GRM7: variants seen among roughly 807,000 people sequenced by gnomAD.
GRM7 encodes the protein glutamate metabotropic receptor 7.
A neutral mutation model predicts 84.5 loss-of-function variants in GRM7; 35 were observed. That is an observed-to-expected ratio of 0.41 (90% CI 0.32 to 0.55). GRM7 has a LOEUF of 0.55. Among genes scored for constraint, GRM7 ranks in the 20% least tolerant of loss-of-function variants. The probability of loss-of-function intolerance (pLI) is 0.19; values close to 1 mark genes in which losing one functional copy is unlikely to be tolerated. For synonymous variants in GRM7, 487 were observed against 455.1 expected (o/e 1.07, Z -0.89); for missense variants, 1,003 against 1,194.6 (o/e 0.84, Z 2.36).
chr3:6,958,101 A>G (rs886238836), intron 1 of GRM7, among the ~76,000 whole-genome samples: 1 of 151,888 alleles, frequency 6.6e-6, no homozygotes, highest in Non-Finnish European at 1.5e-5. Context: ...GTGTGTATAT[A>G]TATATACCCA....
At chr3:7,609,094 A>C (rs1263915164) in intron 8 of GRM7, among the ~76,000 whole-genome samples, 1 of 152,138 alleles carries the variant, frequency 6.6e-6, no homozygotes, top group Non-Finnish European at 1.5e-5. Context: ...TTGTACCAGT[A>C]TCATGCTGTT....
At chr3:7,134,429 G>GTCA (rs59201451) in intron 1 of GRM7, among the ~76,000 whole-genome samples, 2,820 of 150,838 alleles carry the variant, frequency 0.019, 38 homozygotes, top group African/African-American at 0.047. Context: ...CATCATCATC[G>GTCA]TCATCATCAT....
At chr3:7,063,247 C>G (rs1697497222) in intron 1 of GRM7, among the ~76,000 whole-genome samples, 1 of 151,698 alleles carries the variant, frequency 6.6e-6, no homozygotes, top group Non-Finnish European at 1.5e-5. Flanking sequence ...AATCAAGACA[C>G]AAGTAAGGCT....
At chr3:7,201,636 T>C (rs1696072906) in intron 2 of GRM7, among the ~76,000 whole-genome samples, 1 of 152,214 alleles carries the variant, frequency 6.6e-6, no homozygotes, top group African/African-American at 2.4e-5. Context: ...CAATCTCCTG[T>C]AATACACTAA....
intron 1 of GRM7, among the ~76,000 whole-genome samples, chr3:7,058,428 A>AT (rs1367622644): frequency 2.6e-5 from 4 of 151,796 alleles, no homozygotes; most frequent in East Asian, 1.9e-4. Context: ...AATTAGCTCA[A>AT]TTTTTTTCTA....
At chr3:7,452,454 G>A (rs905911417) in intron 5 of GRM7, among the ~76,000 whole-genome samples, 153 bp from the exon 6 acceptor site, 3 of 152,094 alleles carry the variant, frequency 2.0e-5, no homozygotes, top group Non-Finnish European at 4.4e-5. Flanking sequence ...GCTATCACGT[G>A]GTAGGCAAAT....
chr3:7,437,314 C>G (rs1697098269), intron 5 of GRM7, among the ~76,000 whole-genome samples: 1 of 152,112 alleles, frequency 6.6e-6, no homozygotes, highest in African/African-American at 2.4e-5. Flanking sequence ...TTTTTGCACC[C>G]TCCTTTCTCT....
At chr3:7,572,769 C>A (rs1694738666) in intron 7 of GRM7, among the ~76,000 whole-genome samples, 1 of 131,308 alleles carries the variant, frequency 7.6e-6, no homozygotes, top group African/African-American at 2.9e-5. Context: ...TTGCAGTGAG[C>A]CGAGATTGTG....
At chr3:7,309,354 T>G (rs1700310390) in intron 4 of GRM7, among the ~76,000 whole-genome samples, 1 of 152,178 alleles carries the variant, frequency 6.6e-6, no homozygotes, top group African/African-American at 2.4e-5. Context: ...GGCAAGTAAG[T>G]TTTCCTGTCC....
intron 7 of GRM7, among the ~76,000 whole-genome samples, chr3:7,489,953 TATTA>T (rs1016394420): frequency 6.6e-6 from 1 of 151,772 alleles, no homozygotes; most frequent in Admixed American, 6.6e-5. Flanking sequence ...TACTCCATAT[TATTA>T]ATTAAAATAT....
At chr3:7,317,560 G>C (rs900015929) in intron 4 of GRM7, among the ~76,000 whole-genome samples, 1 of 152,018 alleles carries the variant, frequency 6.6e-6, no homozygotes, top group African/African-American at 2.4e-5. Context: ...ACTCTGTATT[G>C]CTAAGAATAG....
intron 1 of GRM7, among the ~76,000 whole-genome samples, chr3:7,112,859 C>T (rs1559449266): frequency 6.6e-6 from 1 of 152,150 alleles, no homozygotes; most frequent in Non-Finnish European, 1.5e-5. Context: ...GTATTGGCCA[C>T]ACATCAAACA....
chr3:7,211,009 T>C (rs544243906), intron 2 of GRM7, among the ~76,000 whole-genome samples: 19 of 152,314 alleles, frequency 1.2e-4, no homozygotes, highest in African/African-American at 4.3e-4. Context: ...ACCAGTTTCA[T>C]TCCCAGGTGA....
At chr3:7,232,670 C>T (rs1697231649) in intron 2 of GRM7, among the ~76,000 whole-genome samples, 1 of 152,158 alleles carries the variant, frequency 6.6e-6, no homozygotes, top group South Asian at 2.1e-4. Flanking sequence ...ATGTGTCAAG[C>T]ACTGTGTCTG....
At chr3:7,020,773 A>G (rs930992249) in intron 1 of GRM7, among the ~76,000 whole-genome samples, 1 of 152,166 alleles carries the variant, frequency 6.6e-6, no homozygotes, top group African/African-American at 2.4e-5. Context: ...AAATTTTTTT[A>G]GAGTTCCTAC....
rs138078004 is a variant in GRM7, at chr3:6,881,828, T to C, written c.519+19921T>C. Among the ~76,000 whole-genome samples, 271 of 152,246 alleles carry C rather than the reference T, an allele frequency of 1.8e-3. 3 individuals are homozygous for C. The highest frequency in any genetic ancestry group is 6.2e-3 in the African/African-American group (257 of 41,548). On this transcript the variant is annotated intron_variant, in intron 1 of 9. Transcript: ENST00000357716. ...ATGGGGAATACTATCCTAAGCCTTA[T>C]CTCAACACTGCTACAATCTGGAGGG...
chr3:7,075,694 T>G (rs1373511188), intron 1 of GRM7, among the ~76,000 whole-genome samples: 1 of 151,980 alleles, frequency 6.6e-6, no homozygotes, highest in Non-Finnish European at 1.5e-5. Context: ...CCCAGCCAAT[T>G]TTTGTATTTT....
chr3:7,709,192 G>A (rs188006737), intron 9 of GRM7, among the ~76,000 whole-genome samples: 1 of 152,068 alleles, frequency 6.6e-6, no homozygotes, highest in Non-Finnish European at 1.5e-5. Flanking sequence ...TACTCATGTG[G>A]CATTTATGTT....
rs1179138190 is a variant in GRM7 at position 6,902,616 on chromosome 3, A to G, written c.519+40709A>G. 2.0e-5 allele frequency among the ~76,000 whole-genome samples: 3 copies of G among 152,120 alleles called. No individual in the cohort carries two copies. The East Asian group carries it at 5.8e-4, about 29-fold the overall frequency. ...TCTATTAATTACAAATGCTTCTAAG[A>G]TTTAGTCTTTCAAAGACTTTTATAA... On this transcript the variant is annotated intron_variant, in intron 1 of 9. Coordinates refer to ENST00000357716, the MANE Select transcript of GRM7 (RefSeq NM_000844.4).
Sources: gnomAD v4.1 joint callset for allele counts (sites outside exome capture counted in the v4.1 genomes callset) on GRCh38, gnomAD v4.1.1 for gene constraint, MANE v1.5 for transcripts, NCBI Gene and HGNC (gene_info 2026-07-23, HGNC 2026-07-21) for gene names.